Variants in TMEM154 observed in about 807,000 individuals in gnomAD.
TMEM154 encodes transmembrane protein 154.
Under a neutral mutation model 24.5 loss-of-function variants are expected in TMEM154, and 27 were observed. The ratio of observed to expected loss-of-function variants is 1.10; its 90% CI spans 0.81 to 1.52. The LOEUF is 1.52. Among genes scored for constraint, TMEM154 ranks in the 40% most tolerant of loss-of-function variants. TMEM154 has a pLI of 0.00. For synonymous variants in TMEM154, 67 were observed against 76.8 expected, an observed-to-expected ratio of 0.87 and a Z score of 0.67; for missense variants, 228 against 213.4, an observed-to-expected ratio of 1.07 and a Z score of -0.43.
intron 1 of TMEM154, among the ~76,000 whole-genome samples, chr4:152,671,313 A>G (rs183094856): frequency 5.6e-4 from 86 of 152,284 alleles, no homozygotes; most frequent in African/African-American, 1.9e-3. Flanking sequence ...ATTGGACTCT[A>G]TCTCAAGGAG....
At chr4:152,675,268 A>G (rs897953055) in intron 1 of TMEM154, among the ~76,000 whole-genome samples, 9 of 145,116 alleles carry the variant, frequency 6.2e-5, no homozygotes, top group Admixed American at 5.9e-4. Context: ...GATGTTTAAA[A>G]TAATGACATA....
At chr4:152,675,352 G>A (rs1183879637) in intron 1 of TMEM154, among the ~76,000 whole-genome samples, 1 of 152,180 alleles carries the variant, frequency 6.6e-6, no homozygotes, top group African/African-American at 2.4e-5. Flanking sequence ...CATAGGCCAG[G>A]TGAGGTGGCT....
At chr4:152,641,173 A>G in intron 5 of TMEM154, 188 bp from the exon 6 acceptor site, 1 of 538,402 alleles carries the variant, frequency 1.9e-6, no homozygotes, top group Middle Eastern at 4.7e-4. Flanking sequence ...AAAAGCACTA[A>G]TAACACAGAT....
chr4:152,646,756 T>G (rs1728249560), intron 3 of TMEM154: 1 of 577,308 alleles, frequency 1.7e-6, no homozygotes, highest in Non-Finnish European at 3.1e-6. Context: ...ATAGTGGGGT[T>G]GTCTGGTGGA....
At position 152,628,593 on chromosome 4, in the gene TMEM154, C is replaced by CA. The variant is rs531179875; in HGVS notation, c.537-33dup. 5.1e-5 allele frequency: 23 copies of CA among 450,382 alleles called. 2 individuals carry two copies. Among genetic ancestry groups the CA allele is most frequent in the African/African-American group, 4.1e-4 (8 of 19,400 alleles). The allele number at this position is 450,382 out of a possible 1,614,324, so 27.9% of individuals were successfully genotyped here. Reference sequence around the variant, plus strand: ...AAAAAAAAAAAAAAAAAAAAAAAAACAAAAAAAACACACACACACACACAA... The same window carrying CA: ...AAAAAAAAAAAAAAAAAAAAAAAAACAAAAAAAAACACACACACACACACAA... On this transcript the variant is annotated intron_variant, in intron 6 of 6. Coordinates refer to ENST00000304385, the MANE Select transcript of TMEM154 (RefSeq NM_152680.3).
At chr4:152,652,500 C>T (rs1199382446) in intron 3 of TMEM154, 38 bp downstream of exon 3, 4 of 1,611,220 alleles carry the variant, frequency 2.5e-6, no homozygotes, top group Non-Finnish European at 2.5e-6. Context: ...TCTCCAATCC[C>T]ACCCCCACCT....
At position 152,626,155 on chromosome 4, in the gene TMEM154, G is replaced by A. The variant is rs537695010; in HGVS notation, c.*2391C>T. 46 of 152,734 alleles carry A rather than the reference G, an allele frequency of 3.0e-4. No individual in the cohort carries two copies. The highest frequency in any genetic ancestry group is 5.6e-4 in the Non-Finnish European group (38 of 68,028). The allele number at this position is 152,734 out of a possible 1,614,324, so 9.5% of individuals were successfully genotyped here. On this transcript the variant is annotated 3_prime_UTR_variant, in exon 7 of 7. Coordinates refer to ENST00000304385, the MANE Select transcript of TMEM154 (RefSeq NM_152680.3). The stretch of plus-strand genomic sequence containing the variant: ...TTTATTAAAACAAGTTTCCTGAGAA[G>A]TTTGACTAGGCTATGTTGTTGTTAA...
chr4:152,652,886 C>T lies in TMEM154; in HGVS notation c.106G>A (p.Glu36Lys). The change falls in exon 2 of 7, where the codon GAA (glutamate) becomes AAA (lysine). Residue 36 changes from glutamate (E) to lysine (K), a missense_variant. By Grantham distance (56) the Glu-to-Lys change is moderately conservative. Coordinates refer to ENST00000304385, the MANE Select transcript of TMEM154 (RefSeq NM_152680.3). ...GTCACTTTATTTGGTCTTTCAGATT[C>T]CACAGTTGTATCTCCTGAGTTTTCT... ...ELENSGDTTV[E>K]SERPNKVTIP... 6.2e-7 allele frequency: 1 copy of T among 1,613,204 alleles called. No individual in the cohort carries two copies. The highest frequency in any genetic ancestry group is 8.5e-7 in the Non-Finnish European group (1 of 1,179,712).
rs972392339 is a variant in TMEM154 at position 152,621,087 on chromosome 4, A to G, written c.*7459T>C. 2 of 152,232 alleles carry G rather than the reference A, an allele frequency of 1.3e-5. No individual in the cohort carries two copies. Among genetic ancestry groups the G allele is most frequent in the Non-Finnish European group, 2.9e-5 (2 of 68,044 alleles). The allele number at this position is 152,232 out of a possible 1,614,324, so 9.4% of individuals were successfully genotyped here. A position where few individuals can be genotyped will look rare whatever the true frequency, so the allele number is the denominator to read the frequency against. ...TGATAATGTACCAACCATAGAGATG[A>G]CTGTTCCCTGCTGCCTTGCAGAGAT... is the stretch of plus-strand genomic sequence containing the variant. On this transcript the variant is annotated 3_prime_UTR_variant, in exon 7 of 7. Coordinates refer to ENST00000304385, the MANE Select transcript of TMEM154 (RefSeq NM_152680.3).
At chr4:152,678,151 T>C (rs768150216) in intron 1 of TMEM154, among the ~76,000 whole-genome samples, 2 of 151,584 alleles carry the variant, frequency 1.3e-5, no homozygotes, top group Non-Finnish European at 2.9e-5. Context: ...TGGAAGGAGG[T>C]GCCACTGGGA....
chr4:152,670,952 C>T (rs759419067), intron 1 of TMEM154, among the ~76,000 whole-genome samples: 16 of 152,044 alleles, frequency 1.1e-4, no homozygotes, highest in East Asian at 1.9e-4. Flanking sequence ...GCATGCAAAT[C>T]GGTAATTATA....
chr4:152,658,504 TATC>T (rs1728534828), intron 1 of TMEM154, among the ~76,000 whole-genome samples: 1 of 151,726 alleles, frequency 6.6e-6, no homozygotes, highest in African/African-American at 2.4e-5. Flanking sequence ...TACAATGAAA[TATC>T]ATTTCATTGA....
chr4:152,663,524 C>T (rs1176506292), intron 1 of TMEM154, among the ~76,000 whole-genome samples: 1 of 152,248 alleles, frequency 6.6e-6, no homozygotes, highest in Admixed American at 6.5e-5. Flanking sequence ...ACTCCCAGAT[C>T]ACTGGGTGTG....
In TMEM154 at chr4:152,664,316, T is replaced by G. The variant is rs150974732; in HGVS notation, c.65-11389A>C. ...ACATGTTCTCACTCATAAGTGGGAG[T>G]TGAACAATGACAATACATGGACACA... is the stretch of plus-strand genomic sequence containing the variant. On this transcript the variant is annotated intron_variant, in intron 1 of 6. Coordinates refer to ENST00000304385, the MANE Select transcript of TMEM154 (RefSeq NM_152680.3). Among the ~76,000 whole-genome samples, 998 of 150,412 alleles carry G rather than the reference T, an allele frequency of 6.6e-3. 3 individuals are homozygous for G. Among genetic ancestry groups the G allele is most frequent in the Middle Eastern group, 0.017 (5 of 292 alleles).
At chr4:152,652,608 T>G in intron 2 of TMEM154, 32 bp from the exon 3 acceptor site, 1 of 1,613,952 alleles carries the variant, frequency 6.2e-7, no homozygotes, top group Non-Finnish European at 8.5e-7. Context: ...TTTGTTTTAT[T>G]GATTGTTCAC....
Position 152,624,311 on chromosome 4 carries a change from T to C in TMEM154, c.*4235A>G, listed in dbSNP as rs920752069. 1.3e-5 allele frequency: 2 copies of C among 152,114 alleles called. No individual in the cohort carries two copies. The highest frequency in any genetic ancestry group is 2.9e-5 in the Non-Finnish European group (2 of 68,038). 9.4% of individuals were successfully genotyped at this position (152,114 alleles called of 1,614,324 possible). A position where few individuals can be genotyped will look rare whatever the true frequency, so the allele number is the denominator to read the frequency against. On this transcript the variant is annotated 3_prime_UTR_variant, in exon 7 of 7. Coordinates refer to ENST00000304385, the MANE Select transcript of TMEM154 (RefSeq NM_152680.3). ...ACAAAACACAAGGTCCAGGTACAAA[T>C]AATTCCAGCCAGTTATGGTGGCTCA...
At position 152,679,938 on chromosome 4, in the gene TMEM154, G is replaced by A; in HGVS notation, c.-5C>T. 3 of 1,606,816 alleles carry A rather than the reference G, an allele frequency of 1.9e-6. No homozygotes were observed. The highest frequency in any genetic ancestry group is 1.7e-6 in the Non-Finnish European group (2 of 1,177,278). ...GGCTGCGCGGGGAGCCTGCATGTCC[G>A]CTCGCCTCGGCAGAGGCGCGCTCAG... On this transcript the variant is annotated 5_prime_UTR_variant, in exon 1 of 7. Coordinates refer to ENST00000304385, the MANE Select transcript of TMEM154 (RefSeq NM_152680.3).
At chr4:152,661,829 C>A (rs557586068) in intron 1 of TMEM154, among the ~76,000 whole-genome samples, 2 of 152,298 alleles carry the variant, frequency 1.3e-5, no homozygotes, top group East Asian at 3.9e-4. Flanking sequence ...TCGCTACCAC[C>A]CTTTCCCCAA....
chr4:152,646,742 T>C, intron 3 of TMEM154: 1 of 561,576 alleles, frequency 1.8e-6, no homozygotes, highest in Non-Finnish European at 3.2e-6. Flanking sequence ...CCTCTGTGCA[T>C]TCGATAGTGG....
Sources: gnomAD v4.1 joint callset for allele counts (sites outside exome capture counted in the v4.1 genomes callset) on GRCh38, gnomAD v4.1.1 for gene constraint, MANE v1.5 for transcripts, NCBI Gene and HGNC (gene_info 2026-07-23, HGNC 2026-07-21) for gene names.